THRAP3: variants seen among roughly 807,000 people sequenced by gnomAD.
THRAP3 encodes thyroid hormone receptor associated protein 3, also known as thyroid hormone receptor-associated protein 3.
Under a neutral mutation model 101.0 loss-of-function variants are expected in THRAP3, and 16 were observed. The ratio of observed to expected loss-of-function variants is 0.16; its 90% CI spans 0.11 to 0.24. The LOEUF (loss-of-function observed/expected upper bound fraction) is 0.24. THRAP3 is among the 10% of genes least tolerant of loss of function. THRAP3 has a pLI of 1.00. For synonymous variants in THRAP3, 407 were observed against 422.6 expected (o/e 0.96, Z 0.45); for missense variants, 989 against 1,202.7 (o/e 0.82, Z 2.63).
chr1:36,264,670 T>A (rs1279476177), intron 2 of THRAP3, among the ~76,000 whole-genome samples: 4 of 152,228 alleles, frequency 2.6e-5, no homozygotes, highest in Non-Finnish European at 5.9e-5. Flanking sequence ...GTGTTGAGAT[T>A]ATGCGCAGAT....
In THRAP3 at chr1:36,289,784, G is replaced by T. The variant is rs201310745; in HGVS notation, c.1745+20G>T. 1.3e-5 allele frequency: 21 copies of T among 1,575,354 alleles called. No homozygotes were observed. The Admixed American group carries it at 3.3e-4, about 25-fold the overall frequency. On this transcript the variant is annotated intron_variant, in intron 5 of 11. Coordinates refer to ENST00000354618, the MANE Select transcript of THRAP3 (RefSeq NM_005119.4). ...CGCACGGTGAGATATGCTCCTTCTT[G>T]ATCCTCAGTGCTTTAGTGGCCTAAG...
chr1:36,252,867 A>C lies in THRAP3; in HGVS notation c.-134-6515A>C, dbSNP rs185486984. On this transcript the variant is annotated intron_variant, in intron 1 of 11. Transcript: ENST00000354618. ...GGTTGCACTGAGCCAAGACCATGCC[A>C]CTGCACGCCAGCCTGGGTGACAGAG... 9.6e-3 allele frequency among the ~76,000 whole-genome samples: 1,425 copies of C among 149,172 alleles called. 16 individuals carry two copies. Among genetic ancestry groups the C allele is most frequent in the African/African-American group, 0.034 (1,366 of 40,654 alleles).
chr1:36,295,522 T>G (rs1471067747), intron 8 of THRAP3, among the ~76,000 whole-genome samples: 1 of 151,120 alleles, frequency 6.6e-6, no homozygotes, highest in African/African-American at 2.5e-5. Flanking sequence ...GCTGAACTGC[T>G]TAGGAAGCCA....
At chr1:36,238,147 T>C (rs1371533870) in intron 1 of THRAP3, among the ~76,000 whole-genome samples, 1 of 152,118 alleles carries the variant, frequency 6.6e-6, no homozygotes, top group East Asian at 1.9e-4. Flanking sequence ...AGCAAATTTT[T>C]TGTAGAGACA....
intron 6 of THRAP3, 77 bp from the exon 7 acceptor site, chr1:36,292,521 C>T (rs1418155273): frequency 1.8e-5 from 19 of 1,070,100 alleles, no homozygotes; most frequent in East Asian, 4.9e-5. Flanking sequence ...CTGCCCACCT[C>T]GGCCTCCGAA....
intron 1 of THRAP3, among the ~76,000 whole-genome samples, chr1:36,232,071 G>T (rs369403339): frequency 6.0e-4 from 91 of 152,068 alleles, no homozygotes; most frequent in African/African-American, 2.1e-3. Context: ...GAAAAATTAG[G>T]CAGGTGTGGT....
intron 5 of THRAP3, among the ~76,000 whole-genome samples, chr1:36,290,248 T>C (rs1009223156): frequency 6.6e-6 from 1 of 151,742 alleles, no homozygotes; most frequent in Non-Finnish European, 1.5e-5. Context: ...CAGGCTGGAG[T>C]GCAGTGGCGC....
the THRAP3 span, among the ~76,000 whole-genome samples, chr1:36,216,406 C>T: frequency 2.1e-5 from 3 of 146,138 alleles, no homozygotes; most frequent in African/African-American, 5.1e-5. Flanking sequence ...CCCAGCTACT[C>T]GGGAGGCAGA....
At chr1:36,229,325 T>C (rs1013930216) in intron 1 of THRAP3, among the ~76,000 whole-genome samples, 1 of 151,802 alleles carries the variant, frequency 6.6e-6, no homozygotes, top group African/African-American at 2.4e-5. Context: ...CTCCATCTCC[T>C]GACCTCGTGA....
intron 4 of THRAP3, chr1:36,287,765 C>T (rs1431018042): frequency 8.1e-6 from 8 of 985,334 alleles, no homozygotes; most frequent in Non-Finnish European, 9.6e-6. Flanking sequence ...CCAGGAAGGC[C>T]TTGTTTTAAA....
intron 1 of THRAP3, among the ~76,000 whole-genome samples, chr1:36,258,529 A>G (rs1471453125): frequency 6.6e-6 from 1 of 151,934 alleles, no homozygotes; most frequent in Non-Finnish European, 1.5e-5. Context: ...AGGCTGGAGT[A>G]CAGTGGCGCG....
chr1:36,227,871 G>T (rs776338807), intron 1 of THRAP3, among the ~76,000 whole-genome samples: 1 of 151,826 alleles, frequency 6.6e-6, no homozygotes, highest in Non-Finnish European at 1.5e-5. Flanking sequence ...TATTCTGCAT[G>T]GCAGGACACT....
chr1:36,302,521 G>A (rs1270999035), intron 11 of THRAP3, among the ~76,000 whole-genome samples: 1 of 152,156 alleles, frequency 6.6e-6, no homozygotes, highest in African/African-American at 2.4e-5. Context: ...GCTGGAGTGG[G>A]ACTGCTGTAG....
In THRAP3 at chr1:36,286,874, A is replaced by G. The variant is rs772273724; in HGVS notation, c.644A>G (p.Lys215Arg). The change falls in exon 4 of 12, where the codon AAA (lysine) becomes AGA (arginine). Residue 215 changes from lysine (K) to arginine (R), a missense_variant. Lys to Arg is a conservative substitution (Grantham distance 26, BLOSUM62 2). Coordinates refer to ENST00000354618, the MANE Select transcript of THRAP3 (RefSeq NM_005119.4). The surrounding 1 kb of genome is among the most constrained non-coding windows in gnomAD (Gnocchi z 5.5). ...TFSGGTSQDT[K>R]ASESSKPWPD... ...TCTGGAGGCACCTCTCAAGATACAA[A>G]AGCATCTGAGAGCTCGAAGCCATGG... The G allele has an allele frequency of 1.1e-5, 17 of 1,614,036 alleles. No homozygotes were observed. The highest frequency in any genetic ancestry group is 1.4e-5 in the Non-Finnish European group (17 of 1,179,928).
At chr1:36,236,817 T>C (rs975798483) in intron 1 of THRAP3, among the ~76,000 whole-genome samples, 3 of 152,192 alleles carry the variant, frequency 2.0e-5, no homozygotes, top group African/African-American at 7.2e-5. Flanking sequence ...AGTAAACAAT[T>C]TGGGGACAAT....
chr1:36,272,320 G>A (rs775657653), intron 2 of THRAP3, among the ~76,000 whole-genome samples: 16 of 152,302 alleles, frequency 1.1e-4, no homozygotes, highest in Admixed American at 4.6e-4. Flanking sequence ...ATTGAAATTA[G>A]TATTTACTGA....
At chr1:36,291,616 T>TA (rs1395943595) in intron 6 of THRAP3, 70 bp downstream of exon 6, 2 of 1,551,284 alleles carry the variant, frequency 1.3e-6, no homozygotes, top group Non-Finnish European at 1.8e-6. Flanking sequence ...GATGGGTGGA[T>TA]AAGGAGTTTT....
chr1:36,268,560 G>A (rs1229846001), intron 2 of THRAP3, among the ~76,000 whole-genome samples: 1 of 152,146 alleles, frequency 6.6e-6, no homozygotes, highest in Non-Finnish European at 1.5e-5. Context: ...GGAGTGCAAC[G>A]ACACAGTGGT....
At chr1:36,259,601 C>CA in intron 2 of THRAP3, 117 bp downstream of exon 2, 1 of 384,420 alleles carries the variant, frequency 2.6e-6, no homozygotes, top group Non-Finnish European at 4.6e-6. Flanking sequence ...CCTGTCTCTA[C>CA]AAAAAATAAA....
Sources: allele counts gnomAD v4.1 joint callset (sites outside exome capture counted in the v4.1 genomes callset), GRCh38; gene constraint gnomAD v4.1.1; non-coding constraint Gnocchi (gnomAD v3.1); transcripts MANE v1.5; gene names NCBI Gene and HGNC (gene_info 2026-07-23, HGNC 2026-07-21).